The following GALNT13 variants were observed in gnomAD, a reference collection of about 807,000 sequenced individuals.
The protein encoded by GALNT13 is UDP-GalNAc:polypeptide N-acetylgalactosaminyltransferase 13.
GALNT13 carries 28 observed loss-of-function variants against 64.2 expected under a neutral mutation model. That is an observed-to-expected ratio of 0.44 (90% CI 0.32 to 0.60). GALNT13 has a LOEUF of 0.60. Ranked by LOEUF, GALNT13 falls within the 20% of genes least tolerant of loss-of-function variation. The pLI, the probability that GALNT13 is intolerant of heterozygous loss-of-function variation, is 0.05. For missense variants in GALNT13, 577 were observed against 669.8 expected, an observed-to-expected ratio of 0.86 and a Z score of 1.53; for synonymous variants, 214 against 224.6, an observed-to-expected ratio of 0.95 and a Z score of 0.42.
the GALNT13 span, among the ~76,000 whole-genome samples, chr2:153,143,507 G>C: frequency 6.6e-6 from 1 of 151,984 alleles, no homozygotes. Flanking sequence ...TCTCAGAGCA[G>C]TGAAACCTAG....
chr2:154,133,880 T>C lies in GALNT13; in HGVS notation c.143-6457T>C, dbSNP rs564388071. 5.3e-5 allele frequency among the ~76,000 whole-genome samples: 8 copies of C among 152,264 alleles called. No homozygotes were observed. The South Asian group carries it at 1.7e-3, about 32-fold the overall frequency. ...GCAAAATAAAGTTGTTGTTTTGTTT[T>C]GTTTTTCATGTAAATTTTGCAATGG... On this transcript the variant is annotated intron_variant, in intron 3 of 12. Transcript: ENST00000392825.
chr2:153,134,092 C>T, the GALNT13 span, among the ~76,000 whole-genome samples: 453 of 152,292 alleles, frequency 3.0e-3, 3 homozygotes, highest in African/African-American at 0.011. Context: ...ATGGGCAGAG[C>T]ACCCCTTCCG....
the GALNT13 span, among the ~76,000 whole-genome samples, chr2:153,424,531 A>G: frequency 3.3e-5 from 5 of 151,910 alleles, no homozygotes; most frequent in African/African-American, 1.2e-4. Flanking sequence ...AAAGAATGTT[A>G]TATTCCATTA....
the GALNT13 span, among the ~76,000 whole-genome samples, chr2:153,500,294 C>T: frequency 3.0e-3 from 455 of 152,118 alleles, 17 homozygotes; most frequent in East Asian, 0.083. Context: ...GAAGAGACAA[C>T]TGGGTTATTA....
chr2:153,557,495 T>TA, the GALNT13 span, among the ~76,000 whole-genome samples: 3 of 152,190 alleles, frequency 2.0e-5, no homozygotes, highest in African/African-American at 4.8e-5. Flanking sequence ...GGCTATGAGT[T>TA]ACAGCTGAAC....
At chr2:153,433,165 G>A in the GALNT13 span, among the ~76,000 whole-genome samples, 4 of 152,100 alleles carry the variant, frequency 2.6e-5, no homozygotes, top group Admixed American at 2.6e-4. Context: ...TAAGAAGAGA[G>A]GAAATTGTAA....
Position 154,213,904 on chromosome 2 carries a change from T to A in GALNT13, c.312-28126T>A, listed in dbSNP as rs572511153. Among the ~76,000 whole-genome samples, 3 of 152,282 alleles carry A rather than the reference T, an allele frequency of 2.0e-5. No individual in the cohort carries two copies. The South Asian group carries it at 6.2e-4, about 32-fold the overall frequency. ...AGAGTAATAGTCATTCTCACGTACT[T>A]CTCTTCATCTGTTCTGCTCCTCAGT... is the stretch of plus-strand genomic sequence containing the variant. On this transcript the variant is annotated intron_variant, in intron 4 of 12. Transcript: ENST00000392825.
At chr2:153,416,341 G>A in the GALNT13 span, among the ~76,000 whole-genome samples, 2 of 152,114 alleles carry the variant, frequency 1.3e-5, no homozygotes, top group East Asian at 1.9e-4. Flanking sequence ...CAAAGAACAA[G>A]CACTGAGCCA....
the GALNT13 span, among the ~76,000 whole-genome samples, chr2:153,650,455 C>A: frequency 6.6e-6 from 1 of 152,082 alleles, no homozygotes; most frequent in Non-Finnish European, 1.5e-5. Context: ...GAGCATTTAG[C>A]CCATTTACTT....
the GALNT13 span, among the ~76,000 whole-genome samples, chr2:153,647,590 T>C: frequency 0.16 from 23,815 of 152,174 alleles, 2,498 homozygotes; most frequent in East Asian, 0.49. Flanking sequence ...AGGGTTTTTA[T>C]GGTTTTAGGT....
intron 2 of GALNT13, among the ~76,000 whole-genome samples, chr2:153,912,739 T>A (rs559910470): frequency 7.2e-5 from 11 of 152,358 alleles, no homozygotes; most frequent in Admixed American, 1.3e-4. Flanking sequence ...TATTGGGCAC[T>A]GGCTTTGTTT....
intron 3 of GALNT13, among the ~76,000 whole-genome samples, chr2:154,001,622 T>C (rs978520760): frequency 7.2e-5 from 11 of 152,144 alleles, no homozygotes; most frequent in African/African-American, 2.6e-4. Context: ...TTATATTATA[T>C]ATCTCTTAAA....
the GALNT13 span, among the ~76,000 whole-genome samples, chr2:153,790,073 A>G: frequency 6.6e-6 from 1 of 152,114 alleles, no homozygotes; most frequent in African/African-American, 2.4e-5. Context: ...CTGCTTCCCA[A>G]CTCATTCTGT....
At chr2:154,306,010 G>T (rs1280413319) in intron 9 of GALNT13, among the ~76,000 whole-genome samples, 1 of 152,100 alleles carries the variant, frequency 6.6e-6, no homozygotes, top group Non-Finnish European at 1.5e-5. Flanking sequence ...TTATCCATGG[G>T]TGTCTGGTTT....
chr2:153,772,986 G>T, the GALNT13 span, among the ~76,000 whole-genome samples: 2 of 152,196 alleles, frequency 1.3e-5, no homozygotes, highest in Admixed American at 1.3e-4. Flanking sequence ...GAAGAGAGCT[G>T]CAGGGTGGCC....
At chr2:153,131,314 C>T in the GALNT13 span, among the ~76,000 whole-genome samples, 1 of 152,056 alleles carries the variant, frequency 6.6e-6, no homozygotes, top group African/African-American at 2.4e-5. Context: ...TAGTATATAT[C>T]AGTTTTCAAG....
the GALNT13 span, among the ~76,000 whole-genome samples, chr2:153,101,035 C>A: frequency 6.6e-6 from 1 of 151,980 alleles, no homozygotes; most frequent in African/African-American, 2.4e-5. Flanking sequence ...GAGTGAGACT[C>A]TGTCTCAAAA....
chr2:154,202,389 A>C (rs532343266), intron 4 of GALNT13, among the ~76,000 whole-genome samples: 1 of 152,088 alleles, frequency 6.6e-6, no homozygotes, highest in African/African-American at 2.4e-5. Flanking sequence ...TTGAGATCAC[A>C]CTTCTACTTT....
At chr2:153,258,368 C>CA in the GALNT13 span, among the ~76,000 whole-genome samples, 1 of 51,678 alleles carries the variant, frequency 1.9e-5, no homozygotes, top group African/African-American at 5.9e-5. Context: ...TCTGGTCTCC[C>CA]AAAAACAAAA....
Sources: allele counts gnomAD v4.1 joint callset (sites outside exome capture counted in the v4.1 genomes callset), GRCh38; gene constraint gnomAD v4.1.1; transcripts MANE v1.5; gene names NCBI Gene and HGNC (gene_info 2026-07-23, HGNC 2026-07-21).